The following TRADD variants were observed in gnomAD, a reference collection of about 807,000 sequenced individuals.
TRADD encodes TNFRSF1A associated via death domain, also known as tumor necrosis factor receptor type 1-associated DEATH domain protein.
In TRADD, 14 loss-of-function variants were observed where a neutral mutation model predicts 31.5. The observed-to-expected ratio is 0.44, with a 90% CI of 0.29 to 0.69. The LOEUF (loss-of-function observed/expected upper bound fraction) is 0.69. Among genes scored for constraint, TRADD ranks in the 30% least tolerant of loss-of-function variants. TRADD has a pLI of 0.11. For synonymous variants in TRADD, 220 were observed against 215.8 expected, an observed-to-expected ratio of 1.02 and a Z score of -0.17; for missense variants, 388 against 435.7, an observed-to-expected ratio of 0.89 and a Z score of 0.97.
Position 67,155,649 on chromosome 16 carries a change from C to G in TRADD, c.157G>C (p.Gly53Arg). ...RALQAALAESGGSPDVLQMLK... is the reference protein window; with the variant it reads ...RALQAALAESRGSPDVLQMLK... The stretch of plus-strand genomic sequence containing the variant: ...ATCTGCAGCACGTCCGGGCTCCCGC[C>G]GCTCTCTGCGGAGGCGGGCGGTCAG... The change falls in exon 3 of 5, where the codon GGC becomes CGC. Residue 53 changes from glycine to arginine, a missense_variant. Coordinates refer to ENST00000345057, the MANE Select transcript of TRADD (RefSeq NM_003789.4). 1 of 1,571,096 alleles carries G rather than the reference C, an allele frequency of 6.4e-7. No individual in the cohort carries two copies.
At chr16:67,155,342 C>T in intron 3 of TRADD, 35 bp downstream of exon 3, 1 of 1,605,598 alleles carries the variant, frequency 6.2e-7, no homozygotes, top group Non-Finnish European at 8.5e-7. Flanking sequence ...CGCGGATCCC[C>T]GCCCTACCCC....
Position 67,154,765 on chromosome 16 carries a change from C to A in TRADD, c.823G>T (p.Ala275Ser). 1 of 1,606,194 alleles carries A rather than the reference C, an allele frequency of 6.2e-7. No individual in the cohort carries two copies. Residue 275 changes from alanine to serine, a missense_variant, in exon 5 of 5, where the codon GCC (alanine) becomes TCC (serine). By Grantham distance (99) the Ala-to-Ser change is moderately conservative (BLOSUM62 1). Coordinates refer to ENST00000345057, the MANE Select transcript of TRADD (RefSeq NM_003789.4). This position sits in a 1 kb window ranked among gnomAD's most constrained non-coding sequence, Gnocchi z 5.2. ...TGCAGCGTGGCGCGGCGGCCCTCGG[C>A]CTGCACGAAGCGCCGCAGCAGCTGG... ...AFQLLRRFVQ[A>S]EGRRATLQRL...
intron 1 of TRADD, among the ~76,000 whole-genome samples, chr16:67,158,095 C>T (rs1277976011): frequency 5.9e-5 from 9 of 152,218 alleles, no homozygotes; most frequent in Admixed American, 3.3e-4. Context: ...GAACAGGAAG[C>T]TGTCCTCCTG....
intron 1 of TRADD, among the ~76,000 whole-genome samples, chr16:67,157,078 G>T (rs1029809428): frequency 1.3e-5 from 2 of 152,200 alleles, no homozygotes; most frequent in African/African-American, 4.8e-5. Flanking sequence ...AAGCCAACCA[G>T]ACCCATATCC....
rs2030664601 is a variant in TRADD, at chr16:67,155,650, GCT to G, written c.154_155del (p.Ser52ArgfsTer98). On this transcript the variant is annotated frameshift_variant and splice_region_variant, in exon 3 of 5. Coordinates refer to ENST00000345057, the MANE Select transcript of TRADD (RefSeq NM_003789.4). LOFTEE classifies it high-confidence loss of function. ...YRALQAALAE[S>X]GGSPDVLQML... Reference sequence around the variant, plus strand: ...TCTGCAGCACGTCCGGGCTCCCGCCGCTCTCTGCGGAGGCGGGCGGTCAGGCG... The same window carrying G: ...TCTGCAGCACGTCCGGGCTCCCGCCGCTCTGCGGAGGCGGGCGGTCAGGCG... 1 of 1,570,312 alleles carries G rather than the reference GCT, an allele frequency of 6.4e-7. No individual in the cohort carries two copies. The highest frequency in any genetic ancestry group is 2.3e-5 in the East Asian group (1 of 43,594).
At chr16:67,158,760 A>G (rs2030791090) in intron 1 of TRADD, among the ~76,000 whole-genome samples, 1 of 152,240 alleles carries the variant, frequency 6.6e-6, no homozygotes, top group Non-Finnish European at 1.5e-5. Context: ...CATAATAGGG[A>G]GCCAGCCACG....
Position 67,154,575 on chromosome 16 carries a change from C to T in TRADD, c.*74G>A, listed in dbSNP as rs1259088657. ...GGAGTTTCAGGGTCCCGTGGATGGA[C>T]AGGGGTTCAGCAATAGCCGCAGAAG... On this transcript the variant is annotated 3_prime_UTR_variant, in exon 5 of 5. Transcript: ENST00000345057. The surrounding 1 kb of genome is among the most constrained non-coding windows in gnomAD (Gnocchi z 5.2). The T allele has an allele frequency of 6.5e-7, 1 of 1,537,078 alleles. No homozygotes were observed. The highest frequency in any genetic ancestry group is 1.4e-5 in the African/African-American group (1 of 73,240).
chr16:67,154,886 C>A lies in TRADD; in HGVS notation c.702G>T (p.Gly234=). ...RSVGLKWRKV[G]RSLQRGCRAL... is the part of the protein sequence containing the mutation. ...CCCGGCAGCCTCGCTGCAGTGAGCG[C>A]CCCACCTTGCGCCATTTGAGACCCA... Residue 234 remains glycine, a synonymous_variant, in exon 5 of 5, where the codon GGG becomes GGT. Transcript: ENST00000345057. This position sits in a 1 kb window ranked among gnomAD's most constrained non-coding sequence, Gnocchi z 5.2. 4 of 1,602,372 alleles carry A rather than the reference C, an allele frequency of 2.5e-6. No homozygotes were observed. The highest frequency in any genetic ancestry group is 3.4e-6 in the Non-Finnish European group (4 of 1,175,256).
chr16:67,154,473 A>G lies in TRADD; in HGVS notation c.*176T>C, dbSNP rs779273408. On this transcript the variant is annotated 3_prime_UTR_variant, in exon 5 of 5. Coordinates refer to ENST00000345057, the MANE Select transcript of TRADD (RefSeq NM_003789.4). The surrounding 1 kb of genome is among the most constrained non-coding windows in gnomAD (Gnocchi z 5.2). ...CAAAGTACCTGAGGCAGAATCCCCA[A>G]TGATGCACCCCCAGTGGTCTGGCTC... 25 of 754,046 alleles carry G rather than the reference A, an allele frequency of 3.3e-5. No homozygotes were observed. The highest frequency in any genetic ancestry group is 1.4e-4 in the Admixed American group (6 of 41,416). The allele number at this position is 754,046 out of a possible 1,614,324, so 46.7% of individuals were successfully genotyped here.
Position 67,156,061 on chromosome 16 carries a change from G to A in TRADD, c.152-407C>T. Reference sequence around the variant, plus strand: ...CACCAAGCGCGACTCCCACTGCTCGGGAAGAAGAGGGGCTCTCGCCGCTCT... The same window carrying A: ...CACCAAGCGCGACTCCCACTGCTCGAGAAGAAGAGGGGCTCTCGCCGCTCT... On this transcript the variant is annotated intron_variant, in intron 2 of 4. Coordinates refer to ENST00000345057, the MANE Select transcript of TRADD (RefSeq NM_003789.4). The surrounding 1 kb of genome is among the most constrained non-coding windows in gnomAD (Gnocchi z 4.6). 1 of 1,354,732 alleles carries A rather than the reference G, an allele frequency of 7.4e-7. No homozygotes were observed. Among genetic ancestry groups the A allele is most frequent in the African/African-American group, 1.5e-5 (1 of 68,512 alleles). The allele number at this position is 1,354,732 out of a possible 1,614,324, so 83.9% of individuals were successfully genotyped here. A position where few individuals can be genotyped will look rare whatever the true frequency, so the allele number is the denominator to read the frequency against.
chr16:67,156,545 A>AC lies in TRADD; in HGVS notation c.115dup (p.Val39GlyfsTer112). 6.2e-7 allele frequency: 1 copy of AC among 1,613,584 alleles called. No homozygotes were observed. Among genetic ancestry groups the AC allele is most frequent in the South Asian group, 1.1e-5 (1 of 91,084 alleles). On this transcript the variant is annotated frameshift_variant, in exon 2 of 5. Transcript: ENST00000345057. LOFTEE classifies it high-confidence loss of function. This position sits in a 1 kb window ranked among gnomAD's most constrained non-coding sequence, Gnocchi z 4.6. ...AGCCTGCAGAGCCCTGTACACTGCC[A>AC]CCTTCTGCTGGGGGTGCGCGTAGGC...
chr16:67,156,244 A>G lies in TRADD; in HGVS notation c.151+266T>C. The G allele has an allele frequency of 1.4e-6, 2 of 1,446,380 alleles. No homozygotes were observed. Among genetic ancestry groups the G allele is most frequent in the Non-Finnish European group, 1.8e-6 (2 of 1,084,740 alleles). 89.6% of individuals were successfully genotyped at this position (1,446,380 alleles called of 1,614,324 possible). On this transcript the variant is annotated intron_variant, in intron 2 of 4. Transcript: ENST00000345057. This position sits in a 1 kb window ranked among gnomAD's most constrained non-coding sequence, Gnocchi z 4.6. ...GAGGAGAGAGACATCCACAATTAGT[A>G]GAAAGGAGTGAGCCGGCTGGTGGAG...
rs775522010 is a variant in TRADD, at chr16:67,155,954, G to A, written c.152-300C>T. ...GGGACTTCGAAGCACAGAAAAGGGGGCGTGTGCCCTGGGCAAACAAGCCGT... is the reference window on the plus strand; with the variant it reads ...GGGACTTCGAAGCACAGAAAAGGGGACGTGTGCCCTGGGCAAACAAGCCGT... On this transcript the variant is annotated intron_variant, in intron 2 of 4. Coordinates refer to ENST00000345057, the MANE Select transcript of TRADD (RefSeq NM_003789.4). 9.1e-5 allele frequency: 134 copies of A among 1,467,694 alleles called. 1 individual carries two copies. In the African/African-American group the frequency reaches 1.8e-3, roughly 20 times the overall value. 90.9% of individuals were successfully genotyped at this position (1,467,694 alleles called of 1,614,324 possible).
chr16:67,156,685 T>C lies in TRADD; in HGVS notation c.-8-17A>G. 1 of 1,609,690 alleles carries C rather than the reference T, an allele frequency of 6.2e-7. No individual in the cohort carries two copies. The highest frequency in any genetic ancestry group is 1.7e-5 in the Admixed American group (1 of 59,868). ...TCTCACCTCCTGGAGATGCAGACAG[T>C]CAGGTATCCAGTTCATCCCCCCTCC... On this transcript the variant is annotated splice_polypyrimidine_tract_variant and intron_variant, in intron 1 of 4. Coordinates refer to ENST00000345057, the MANE Select transcript of TRADD (RefSeq NM_003789.4). The surrounding 1 kb of genome is among the most constrained non-coding windows in gnomAD (Gnocchi z 4.6).
chr16:67,156,253 TGAGCC>T lies in TRADD; in HGVS notation c.151+252_151+256del. 2.1e-6 allele frequency: 3 copies of T among 1,408,530 alleles called. No homozygotes were observed. Among genetic ancestry groups the T allele is most frequent in the Non-Finnish European group, 2.8e-6 (3 of 1,054,286 alleles). The allele number at this position is 1,408,530 out of a possible 1,614,324, so 87.3% of individuals were successfully genotyped here. ...GACATCCACAATTAGTAGAAAGGAG[TGAGCC>T]GGCTGGTGGAGGGGGGCGGGGATGG... On this transcript the variant is annotated intron_variant, in intron 2 of 4. Transcript: ENST00000345057. This position sits in a 1 kb window ranked among gnomAD's most constrained non-coding sequence, Gnocchi z 4.6.
At chr16:67,157,700 T>C (rs1259076337) in intron 1 of TRADD, among the ~76,000 whole-genome samples, 2 of 152,184 alleles carry the variant, frequency 1.3e-5, no homozygotes, top group Non-Finnish European at 2.9e-5. Flanking sequence ...AATTGCTCTA[T>C]TCCTTCCCTG....
rs1309112792 is a variant in TRADD, at chr16:67,156,120, C to T, written c.151+390G>A. On this transcript the variant is annotated intron_variant, in intron 2 of 4. Coordinates refer to ENST00000345057, the MANE Select transcript of TRADD (RefSeq NM_003789.4). This position sits in a 1 kb window ranked among gnomAD's most constrained non-coding sequence, Gnocchi z 4.6. ...GAACAGATCCCCCAACCCGCTTCAG[C>T]CTCCTGTGGCCTCTGCCCTGAGATG... 1 of 1,351,898 alleles carries T rather than the reference C, an allele frequency of 7.4e-7. No individual in the cohort carries two copies. Among genetic ancestry groups the T allele is most frequent in the Non-Finnish European group, 9.7e-7 (1 of 1,030,630 alleles). The allele number at this position is 1,351,898 out of a possible 1,614,324, so 83.7% of individuals were successfully genotyped here.
rs756631784 is a variant in TRADD, at chr16:67,155,634, C to G, written c.172G>C (p.Val58Leu). 3 of 1,554,328 alleles carry G rather than the reference C, an allele frequency of 1.9e-6. No individual in the cohort carries two copies. In the Admixed American group the frequency reaches 5.5e-5, roughly 29 times the overall value. Residue 58 changes from valine (V) to leucine (L), a missense_variant, in exon 3 of 5, where the codon GTG becomes CTG. Physicochemically the swap from Val to Leu is conservative, Grantham distance 32. Transcript: ENST00000345057. ...CGGTGGATCTTCAGCATCTGCAGCA[C>G]GTCCGGGCTCCCGCCGCTCTCTGCG... ...ALAESGGSPD[V>L]LQMLKIHRSD...
Position 67,159,752 on chromosome 16 carries a change from C to T in TRADD, c.-9+86G>A, listed in dbSNP as rs1392617333. The T allele has an allele frequency of 6.6e-6, 1 of 152,504 alleles. No homozygotes were observed. Among genetic ancestry groups the T allele is most frequent in the African/African-American group, 2.4e-5 (1 of 41,456 alleles). 9.4% of individuals were successfully genotyped at this position (152,504 alleles called of 1,614,324 possible). On this transcript the variant is annotated intron_variant, in intron 1 of 4. Transcript: ENST00000345057. This position sits in a 1 kb window ranked among gnomAD's most constrained non-coding sequence, Gnocchi z 6.8. ...TGGCTGGAGCAGCCGCCGGTGACATCTGCGCCGCGCCCACGCTTCGGAGCC... is the reference window on the plus strand; with the variant it reads ...TGGCTGGAGCAGCCGCCGGTGACATTTGCGCCGCGCCCACGCTTCGGAGCC...
Sources: allele counts gnomAD v4.1 joint callset (sites outside exome capture counted in the v4.1 genomes callset), GRCh38; gene constraint gnomAD v4.1.1; non-coding constraint Gnocchi (gnomAD v3.1); transcripts MANE v1.5; gene names NCBI Gene and HGNC (gene_info 2026-07-23, HGNC 2026-07-21).